The following MAT2A variants were observed in gnomAD, a reference collection of about 807,000 sequenced individuals.
MAT2A encodes the protein S-adenosylmethionine synthase isoform type-2.
In MAT2A, 3 loss-of-function variants were observed where a neutral mutation model predicts 43.9. That is an observed-to-expected ratio of 0.07 (90% confidence interval 0.03 to 0.18). MAT2A has a LOEUF of 0.18. MAT2A is among the 10% of genes least tolerant of loss of function. The pLI is 1.00. For missense variants in MAT2A, 204 were observed against 489.0 expected, an observed-to-expected ratio of 0.42 and a Z score of 5.50; for synonymous variants, 200 against 168.4, an observed-to-expected ratio of 1.19 and a Z score of -1.45.
chr2:85,543,576 C>T, intron 8 of MAT2A, 94 bp from the exon 9 acceptor site: 1 of 788,524 alleles, frequency 1.3e-6, no homozygotes, highest in Non-Finnish European at 2.1e-6. Context: ...CCAGAGAACT[C>T]ATTTGCCAGA....
intron 1 of MAT2A, 32 bp from the exon 2 acceptor site, chr2:85,541,051 A>G (rs755172228): frequency 3.9e-6 from 6 of 1,537,432 alleles, no homozygotes; most frequent in Non-Finnish European, 5.4e-6. Context: ...TTTAAAGTTA[A>G]AGAAACTGAG....
In MAT2A at chr2:85,541,400, A is replaced by AT. The variant is rs1558797696; in HGVS notation, c.292+30dup. The AT allele has an allele frequency of 8.7e-6, 14 of 1,604,656 alleles. No individual in the cohort carries two copies. In the South Asian group the frequency reaches 9.0e-5, roughly 10 times the overall value. On this transcript the variant is annotated intron_variant, in intron 3 of 8. Transcript: ENST00000306434. Reference sequence around the variant, plus strand: ...AAGGTGTGTTTTAATGATTTTGCTCATTTTTTTCTAGGTAACAGCTGTGAG... The same window carrying AT: ...AAGGTGTGTTTTAATGATTTTGCTCATTTTTTTTCTAGGTAACAGCTGTGAG...
At position 85,543,886 on chromosome 2, in the gene MAT2A, C is replaced by A; in HGVS notation, c.*114C>A. The A allele has an allele frequency of 1.6e-6, 1 of 624,050 alleles. No individual in the cohort carries two copies. The highest frequency in any genetic ancestry group is 2.9e-6 in the Non-Finnish European group (1 of 350,622). The allele number at this position is 624,050 out of a possible 1,614,324, so 38.7% of individuals were successfully genotyped here. On this transcript the variant is annotated 3_prime_UTR_variant, in exon 9 of 9. Transcript: ENST00000306434. Reference sequence around the variant, plus strand: ...TTCCTGTCCTCTTTCAGCTCCTGACCAGTTGCAGTCACTCTAGTCAATGAC... The same window carrying A: ...TTCCTGTCCTCTTTCAGCTCCTGACAAGTTGCAGTCACTCTAGTCAATGAC...
chr2:85,541,756 G>C lies in MAT2A; in HGVS notation c.405+11G>C, dbSNP rs142850803. ...GGTGCTGGAGACCAGGTATCTTGGT[G>C]TAGAGGCTGTTTTAATCTCTTCTAA... On this transcript the variant is annotated intron_variant, in intron 4 of 8. Transcript: ENST00000306434. 2.1e-5 allele frequency: 34 copies of C among 1,613,854 alleles called. 1 individual carries two copies. The East Asian group carries it at 7.4e-4, about 35-fold the overall frequency.
chr2:85,543,252 G>A, intron 8 of MAT2A: 1 of 520,540 alleles, frequency 1.9e-6, no homozygotes, highest in Non-Finnish European at 3.5e-6. Context: ...CCACTCTAGA[G>A]AATGTTCCAG....
At chr2:85,542,816 T>C in intron 7 of MAT2A, 69 bp downstream of exon 7, 1 of 1,531,280 alleles carries the variant, frequency 6.5e-7, no homozygotes, top group Non-Finnish European at 8.9e-7. Context: ...AGTAATCTAC[T>C]TAACTACTTG....
chr2:85,540,286 C>T (rs1169845902), intron 1 of MAT2A, among the ~76,000 whole-genome samples: 1 of 152,074 alleles, frequency 6.6e-6, no homozygotes, highest in Non-Finnish European at 1.5e-5. Flanking sequence ...CTGTTTCTGC[C>T]CTTAGGATGA....
At chr2:85,542,810 A>G in intron 7 of MAT2A, 63 bp downstream of exon 7, 1 of 1,553,400 alleles carries the variant, frequency 6.4e-7, no homozygotes, top group Non-Finnish European at 8.8e-7. Context: ...TTTAGTAGTA[A>G]TCTACTTAAC....
chr2:85,539,564 TCCC>T, intron 1 of MAT2A, 186 bp downstream of exon 1: 1 of 480,766 alleles, frequency 2.1e-6, no homozygotes, highest in Non-Finnish European at 3.7e-6. Context: ...CCGCTCCTCT[TCCC>T]CCTCCCCTCT....
chr2:85,539,529 G>A lies in MAT2A; in HGVS notation c.91+151G>A, dbSNP rs372084028. ...GGCGACCGCGCGCTTTCCTCGTGGCGCCGCCAGGGCCTGGCGCGTGGCCGC... is the reference window on the plus strand; with the variant it reads ...GGCGACCGCGCGCTTTCCTCGTGGCACCGCCAGGGCCTGGCGCGTGGCCGC... On this transcript the variant is annotated intron_variant, in intron 1 of 8. Transcript: ENST00000306434. 7.6e-6 allele frequency: 4 copies of A among 522,886 alleles called. No individual in the cohort carries two copies. In the South Asian group the frequency reaches 1.1e-4, roughly 14 times the overall value. The allele number at this position is 522,886 out of a possible 1,614,324, so 32.4% of individuals were successfully genotyped here. A position where few individuals can be genotyped will look rare whatever the true frequency, so the allele number is the denominator to read the frequency against.
In MAT2A at chr2:85,544,561, TTC is replaced by T. The variant is rs1390710350; in HGVS notation, c.*791_*792del. 41 of 152,672 alleles carry T rather than the reference TTC, an allele frequency of 2.7e-4. No homozygotes were observed. The highest frequency in any genetic ancestry group is 9.7e-4 in the African/African-American group (40 of 41,434). 9.5% of individuals were successfully genotyped at this position (152,672 alleles called of 1,614,324 possible). On this transcript the variant is annotated 3_prime_UTR_variant, in exon 9 of 9. Coordinates refer to ENST00000306434, the MANE Select transcript of MAT2A (RefSeq NM_005911.6). Reference sequence around the variant, plus strand: ...CTAGCCAAACCTCACCAACTCCTAGTTCTAGAAAAACAGGCACTTGGCAGCCT... The same window carrying T: ...CTAGCCAAACCTCACCAACTCCTAGTTAGAAAAACAGGCACTTGGCAGCCT...
chr2:85,543,373 G>A, intron 8 of MAT2A: 1 of 418,486 alleles, frequency 2.4e-6, no homozygotes, highest in Non-Finnish European at 4.3e-6. Context: ...GGTGTGGGCG[G>A]CGGGACCTTG....
rs944264218 is a variant in MAT2A at position 85,539,550 on chromosome 2, G to T, written c.91+172G>T. 2.7e-5 allele frequency: 13 copies of T among 490,036 alleles called. No homozygotes were observed. In the Admixed American group the frequency reaches 4.9e-4, roughly 18 times the overall value. 30.4% of individuals were successfully genotyped at this position (490,036 alleles called of 1,614,324 possible). A position where few individuals can be genotyped will look rare whatever the true frequency, so the allele number is the denominator to read the frequency against. ...TGGCGCCGCCAGGGCCTGGCGCGTG[G>T]CCGCCGCTCCTCTTCCCCCTCCCCT... On this transcript the variant is annotated intron_variant, in intron 1 of 8. Coordinates refer to ENST00000306434, the MANE Select transcript of MAT2A (RefSeq NM_005911.6).
At chr2:85,543,283 G>A (rs921530281) in intron 8 of MAT2A, 2 of 485,334 alleles carry the variant, frequency 4.1e-6, no homozygotes, top group Admixed American at 3.7e-5. Flanking sequence ...TGAGCTTTGT[G>A]CTCTTCTACT....
chr2:85,543,957 C>T lies in MAT2A; in HGVS notation c.*185C>T. The T allele has an allele frequency of 3.7e-6, 2 of 547,848 alleles. No homozygotes were observed. The highest frequency in any genetic ancestry group is 6.6e-6 in the Non-Finnish European group (2 of 303,252). The allele number at this position is 547,848 out of a possible 1,614,324, so 33.9% of individuals were successfully genotyped here. A position where few individuals can be genotyped will look rare whatever the true frequency, so the allele number is the denominator to read the frequency against. ...GGGACTGTAAGTTGGGCTTGCTATTCTGTCCCTAGGTGTTTTGTTCACCAT... is the reference window on the plus strand; with the variant it reads ...GGGACTGTAAGTTGGGCTTGCTATTTTGTCCCTAGGTGTTTTGTTCACCAT... On this transcript the variant is annotated 3_prime_UTR_variant, in exon 9 of 9. Coordinates refer to ENST00000306434, the MANE Select transcript of MAT2A (RefSeq NM_005911.6).
At chr2:85,543,224 C>T in intron 8 of MAT2A, 190 bp downstream of exon 8, 1 of 618,324 alleles carries the variant, frequency 1.6e-6, no homozygotes, top group South Asian at 2.6e-5. Flanking sequence ...AATTACGGTG[C>T]TCCATGGCTT....
rs1381147522 is a variant in MAT2A at position 85,542,247 on chromosome 2, T to C, written c.642T>C (p.Cys214=). 17 of 1,614,018 alleles carry C rather than the reference T, an allele frequency of 1.1e-5. No individual in the cohort carries two copies. Among genetic ancestry groups the C allele is most frequent in the Non-Finnish European group, 1.4e-5 (17 of 1,179,996 alleles). Reference sequence around the variant, plus strand: ...CTGTTCAGCATGATGAAGAGGTTTGTCTTGATGAAATGAGGGATGCCCTAA... The same window carrying C: ...CTGTTCAGCATGATGAAGAGGTTTGCCTTGATGAAATGAGGGATGCCCTAA... ...VISVQHDEEV[C]LDEMRDALKE... The change falls in exon 6 of 9, where the codon TGT becomes TGC. Residue 214 remains cysteine (C), a synonymous_variant. Transcript: ENST00000306434.
chr2:85,543,892 C>A lies in MAT2A; in HGVS notation c.*120C>A. 1.6e-6 allele frequency: 1 copy of A among 616,238 alleles called. No individual in the cohort carries two copies. Among genetic ancestry groups the A allele is most frequent in the Non-Finnish European group, 2.9e-6 (1 of 343,960 alleles). The allele number at this position is 616,238 out of a possible 1,614,324, so 38.2% of individuals were successfully genotyped here. A position where few individuals can be genotyped will look rare whatever the true frequency, so the allele number is the denominator to read the frequency against. On this transcript the variant is annotated 3_prime_UTR_variant, in exon 9 of 9. Coordinates refer to ENST00000306434, the MANE Select transcript of MAT2A (RefSeq NM_005911.6). ...TCCTCTTTCAGCTCCTGACCAGTTG[C>A]AGTCACTCTAGTCAATGACATGAAT...
intron 6 of MAT2A, 87 bp downstream of exon 6, chr2:85,542,460 T>TA: frequency 2.0e-6 from 3 of 1,529,752 alleles, no homozygotes; most frequent in Admixed American, 3.5e-5. Flanking sequence ...TTCTGAAACC[T>TA]ACATGTGAAT....
Sources: gnomAD v4.1 joint callset for allele counts (sites outside exome capture counted in the v4.1 genomes callset) on GRCh38, gnomAD v4.1.1 for gene constraint, MANE v1.5 for transcripts, NCBI Gene and HGNC (gene_info 2026-07-23, HGNC 2026-07-21) for gene names.